The following OTOF variants were observed in gnomAD, a reference collection of about 807,000 sequenced individuals.
OTOF encodes the protein otoferlin, also known as fer-1-like family member 2.
In OTOF, 218 loss-of-function variants were observed where a neutral mutation model predicts 236.8. The observed-to-expected ratio is 0.92, with a 90% CI of 0.82 to 1.03. OTOF has a LOEUF of 1.03. OTOF is among the 50% of genes least tolerant of loss of function. The pLI is 0.00. For missense variants in OTOF, 2,590 were observed against 2,694.4 expected (o/e 0.96, Z 0.86); for synonymous variants, 1,041 against 1,072.5 (o/e 0.97, Z 0.57).
intron 3 of OTOF, among the ~76,000 whole-genome samples, chr2:26,523,101 G>A (rs1446180018): frequency 5.3e-5 from 8 of 152,242 alleles, no homozygotes; most frequent in African/African-American, 4.8e-5. Flanking sequence ...TGGGCCCTGC[G>A]AGGCCTCTCC....
intron 5 of OTOF, chr2:26,510,716 A>G (rs753754442): frequency 3.3e-5 from 43 of 1,289,260 alleles, no homozygotes; most frequent in Non-Finnish European, 2.2e-5. Flanking sequence ...TGTGCTCGTC[A>G]TCTCTGCCTC....
At chr2:26,528,904 T>A (rs761577931) in intron 2 of OTOF, among the ~76,000 whole-genome samples, 12 of 152,098 alleles carry the variant, frequency 7.9e-5, no homozygotes, top group Non-Finnish European at 1.6e-4. Context: ...GGCATGCAAA[T>A]CCCCAGTGGC....
chr2:26,467,484 T>C lies in OTOF; in HGVS notation c.4108A>G (p.Lys1370Glu), dbSNP rs182667271. The change falls in exon 34 of 47, where the codon AAG becomes GAG. Residue 1370 changes from lysine (K) to glutamate (E), a missense_variant. Lys to Glu is a moderately conservative substitution (Grantham distance 56). Around this residue, in one of 2 missense-constraint regions of OTOF, gnomAD observed 1,211 missense variants for 1,352.8 expected, o/e 0.90. Coordinates refer to ENST00000272371, the MANE Select transcript of OTOF (RefSeq NM_194248.3). Reference sequence around the variant, plus strand: ...GCAGCCCTTGCCTTCTCCTTGCCCTTCATTGACCCCTTCAGGCCTGGCCAG... The same window carrying C: ...GCAGCCCTTGCCTTCTCCTTGCCCTCCATTGACCCCTTCAGGCCTGGCCAG... Reference protein sequence around the residue: ...DNTEGLKGSMKGKEKARAAKE... With the variant: ...DNTEGLKGSMEGKEKARAAKE... 1 of 1,613,958 alleles carries C rather than the reference T, an allele frequency of 6.2e-7. No homozygotes were observed. The highest frequency in any genetic ancestry group is 1.3e-5 in the African/African-American group (1 of 75,002).
chr2:26,526,086 C>CAAA (rs796661291), intron 3 of OTOF, among the ~76,000 whole-genome samples: 1,603 of 58,240 alleles, frequency 0.028, 67 homozygotes, highest in African/African-American at 0.081. Context: ...GACTCTGTCT[C>CAAA]AAAAAAAAAA....
At chr2:26,548,788 A>G (rs933575817) in intron 1 of OTOF, among the ~76,000 whole-genome samples, 21 of 152,248 alleles carry the variant, frequency 1.4e-4, no homozygotes, top group Admixed American at 2.6e-4. Flanking sequence ...GTAGTTGGCT[A>G]TACCATCTAG....
intron 1 of OTOF, among the ~76,000 whole-genome samples, chr2:26,553,942 G>A (rs775051404): frequency 6.6e-6 from 1 of 152,132 alleles, no homozygotes; most frequent in Non-Finnish European, 1.5e-5. Context: ...GGAGGCCGAG[G>A]CAGGCGGATC....
At chr2:26,463,040 C>T (rs1572402995) in intron 41 of OTOF, among the ~76,000 whole-genome samples, 1 of 152,254 alleles carries the variant, frequency 6.6e-6, no homozygotes, top group African/African-American at 2.4e-5. Context: ...TCACACTAGC[C>T]TGGATGTGAG....
intron 5 of OTOF, among the ~76,000 whole-genome samples, chr2:26,513,237 G>A (rs1666433511): frequency 1.3e-5 from 2 of 152,182 alleles, no homozygotes; most frequent in South Asian, 4.1e-4. Context: ...GAGTGTCACA[G>A]CAGCTGAGGC....
chr2:26,477,422 C>G lies in OTOF; in HGVS notation c.2400G>C (p.Arg800Ser). 1.3e-6 allele frequency: 2 copies of G among 1,587,820 alleles called. No individual in the cohort carries two copies. Among genetic ancestry groups the G allele is most frequent in the Non-Finnish European group, 1.7e-6 (2 of 1,167,468 alleles). Reference sequence around the variant, plus strand: ...CGTCCAGTTGCGTCCTCACCAGCTCCCTCATGCAGGACTTGAGGCGCTCCC... The same window carrying G: ...CGTCCAGTTGCGTCCTCACCAGCTCGCTCATGCAGGACTTGAGGCGCTCCC... ...LDRERLKSCM[R>S]ELENMGQQAR... is the part of the protein sequence containing the mutation. Residue 800 changes from arginine (R) to serine (S), a missense_variant, in exon 20 of 47, where the codon AGG becomes AGC. Coordinates refer to ENST00000272371, the MANE Select transcript of OTOF (RefSeq NM_194248.3). This position sits in a 1 kb window ranked among gnomAD's most constrained non-coding sequence, Gnocchi z 4.7.
At position 26,503,851 on chromosome 2, in the gene OTOF, AGG is replaced by A; in HGVS notation, c.510-8_510-7del. The A allele has an allele frequency of 1.2e-6, 2 of 1,613,540 alleles. No individual in the cohort carries two copies. Among genetic ancestry groups the A allele is most frequent in the Non-Finnish European group, 1.7e-6 (2 of 1,179,518 alleles). ...AGAACACGCTCCTCCCGGCTCTGTG[AGG>A]GGGGCCACCAGAATGAGGTGCAGGG... On this transcript the variant is annotated splice_region_variant and splice_polypyrimidine_tract_variant and intron_variant, in intron 5 of 46. Coordinates refer to ENST00000272371, the MANE Select transcript of OTOF (RefSeq NM_194248.3).
Position 26,525,988 on chromosome 2 carries a change from G to A in OTOF, c.227+1844C>T, listed in dbSNP as rs370312276. Among the ~76,000 whole-genome samples the A allele has an allele frequency of 2.4e-4, 35 of 148,162 alleles. No homozygotes were observed. The South Asian group carries it at 4.8e-3, about 20-fold the overall frequency. The stretch of plus-strand genomic sequence containing the variant: ...TCTAATCCCAGCTACTCAGGAGGCT[G>A]ATACAGGATAATTGCTTGAACCAGA... On this transcript the variant is annotated intron_variant, in intron 3 of 46. Coordinates refer to ENST00000272371, the MANE Select transcript of OTOF (RefSeq NM_194248.3).
rs727503360 is a variant in OTOF at position 26,484,471 on chromosome 2, C to T, written c.1205+3G>A. On this transcript the variant is annotated splice_donor_region_variant and intron_variant, in intron 12 of 46. Transcript: ENST00000272371. Reference sequence around the variant, plus strand: ...TCCAGGGGCTGGGGTAGCTGGGCCTCACCCCTCAATGTCATCTTCGTCGGT... The same window carrying T: ...TCCAGGGGCTGGGGTAGCTGGGCCTTACCCCTCAATGTCATCTTCGTCGGT... 9 of 1,613,914 alleles carry T rather than the reference C, an allele frequency of 5.6e-6. No individual in the cohort carries two copies. Among genetic ancestry groups the T allele is most frequent in the African/African-American group, 1.3e-5 (1 of 75,036 alleles).
chr2:26,522,633 C>T (rs906391748), intron 3 of OTOF, among the ~76,000 whole-genome samples: 1 of 152,220 alleles, frequency 6.6e-6, no homozygotes, highest in Non-Finnish European at 1.5e-5. Context: ...AGGGTGGGCT[C>T]ATATGCTCCT....
chr2:26,460,940 A>C lies in OTOF; in HGVS notation c.5624T>G (p.Val1875Gly). 1 of 1,614,050 alleles carries C rather than the reference A, an allele frequency of 6.2e-7. No individual in the cohort carries two copies. The highest frequency in any genetic ancestry group is 1.1e-5 in the South Asian group (1 of 91,078). ...TMEMATGEVD[V>G]PLVSIFKQKR... The stretch of plus-strand genomic sequence containing the variant: ...TTGCTTGAAGATGGACACGAGGGGC[A>C]CGTCCACCTCCCCGGTGGCCATCTC... Residue 1875 changes from valine to glycine, a missense_variant, in exon 44 of 47, where the codon GTG (valine) becomes GGG (glycine). Coordinates refer to ENST00000272371, the MANE Select transcript of OTOF (RefSeq NM_194248.3). This position sits in a 1 kb window ranked among gnomAD's most constrained non-coding sequence, Gnocchi z 5.3.
rs1157591718 is a variant in OTOF at position 26,527,881 on chromosome 2, C to T, written c.178G>A (p.Glu60Lys). 1.1e-5 allele frequency: 18 copies of T among 1,614,136 alleles called. No homozygotes were observed. Among genetic ancestry groups the T allele is most frequent in the Non-Finnish European group, 1.5e-5 (18 of 1,179,982 alleles). The change falls in exon 3 of 47, where the codon GAG becomes AAG. Residue 60 changes from glutamate to lysine, a missense_variant. Physicochemically the swap from Glu to Lys is moderately conservative, Grantham distance 56 (BLOSUM62 1). Coordinates refer to ENST00000272371, the MANE Select transcript of OTOF (RefSeq NM_194248.3). ...TTGAAAACCTGAATCTCCAGCATCT[C>T]ATTTCTGTCGATGCTGCTGGCCACC... ...WPVASSIDRN[E>K]MLEIQVFNYS...
In OTOF at chr2:26,537,605, C is replaced by T. The variant is rs1049594869; in HGVS notation, c.138+111G>A. 5.0e-6 allele frequency: 4 copies of T among 807,166 alleles called. No homozygotes were observed. The African/African-American group carries it at 6.8e-5, about 14-fold the overall frequency. 50.0% of individuals were successfully genotyped at this position (807,166 alleles called of 1,614,324 possible). ...CAGCTGAGAGGTGAGGGGCTCAGAG[C>T]AGGCCAGTGCCTGGGATTTGGGGCC... On this transcript the variant is annotated intron_variant, in intron 2 of 46. Transcript: ENST00000272371.
At chr2:26,513,772 G>A (rs1043016461) in intron 5 of OTOF, among the ~76,000 whole-genome samples, 7 of 152,234 alleles carry the variant, frequency 4.6e-5, no homozygotes, top group African/African-American at 1.7e-4. Flanking sequence ...GGGGTCAGAG[G>A]TGAGGCACTG....
chr2:26,466,247 G>A (rs1267153054), intron 36 of OTOF, 171 bp from the exon 37 acceptor site: 28 of 730,268 alleles, frequency 3.8e-5, no homozygotes, highest in South Asian at 2.2e-4. Flanking sequence ...CTCTCTGGGC[G>A]TTGACTTCTT....
chr2:26,505,412 T>TAC (rs10550936), intron 5 of OTOF, among the ~76,000 whole-genome samples: 5,812 of 149,930 alleles, frequency 0.039, 121 homozygotes, highest in Middle Eastern at 0.072. Flanking sequence ...GGAGGTGAGT[T>TAC]ACACACACAC....
Sources: allele counts gnomAD v4.1 joint callset (sites outside exome capture counted in the v4.1 genomes callset), GRCh38; gene constraint gnomAD v4.1.1; regional missense constraint gnomAD v4.1.1; non-coding constraint Gnocchi (gnomAD v3.1); transcripts MANE v1.5; gene names NCBI Gene and HGNC (gene_info 2026-07-23, HGNC 2026-07-21).